STIM2: variants seen among roughly 807,000 people sequenced by gnomAD.
STIM2 encodes the protein stromal interaction molecule 2.
Under a neutral mutation model 85.8 loss-of-function variants are expected in STIM2, and 31 were observed. That is an observed-to-expected ratio of 0.36 (90% CI 0.27 to 0.49). STIM2 has a LOEUF of 0.49. Ranked by LOEUF, STIM2 falls within the 20% of genes least tolerant of loss-of-function variation. STIM2 has a pLI of 0.98. For synonymous variants in STIM2, 356 were observed against 331.1 expected (o/e 1.08, Z -0.82); for missense variants, 841 against 927.6 (o/e 0.91, Z 1.21).
chr4:26,968,245 C>A (rs567091737), intron 3 of STIM2, among the ~76,000 whole-genome samples: 4 of 152,150 alleles, frequency 2.6e-5, no homozygotes, highest in Non-Finnish European at 5.9e-5. Context: ...CACACTCACA[C>A]ACACACACTC....
intron 3 of STIM2, among the ~76,000 whole-genome samples, chr4:26,970,475 A>G (rs1420095106): frequency 6.6e-6 from 1 of 150,844 alleles, no homozygotes; most frequent in East Asian, 1.9e-4. Context: ...GTTCCCACCT[A>G]TGAGTGAGAA....
At chr4:26,909,832 C>T (rs1724265977) in intron 1 of STIM2, among the ~76,000 whole-genome samples, 1 of 152,198 alleles carries the variant, frequency 6.6e-6, no homozygotes, top group Non-Finnish European at 1.5e-5. Context: ...AGCTCTTCCG[C>T]TGCTCTGTGC....
At chr4:26,942,188 C>CT (rs1408982160) in intron 2 of STIM2, among the ~76,000 whole-genome samples, 1 of 152,120 alleles carries the variant, frequency 6.6e-6, no homozygotes, top group Non-Finnish European at 1.5e-5. Flanking sequence ...TGTCCATAAG[C>CT]TTTATCTTCT....
chr4:26,918,330 T>G (rs1165591090), intron 1 of STIM2, among the ~76,000 whole-genome samples: 1 of 151,946 alleles, frequency 6.6e-6, no homozygotes, highest in African/African-American at 2.4e-5. Context: ...TTAGATATTC[T>G]TAGGCCCTTA....
chr4:26,867,441 C>G (rs1019698740), intron 1 of STIM2, among the ~76,000 whole-genome samples: 14 of 152,068 alleles, frequency 9.2e-5, no homozygotes, highest in African/African-American at 3.4e-4. Flanking sequence ...ACAAATAAAA[C>G]CAAACAACTT....
chr4:26,917,766 C>G (rs1286048617), intron 1 of STIM2, among the ~76,000 whole-genome samples: 1 of 152,122 alleles, frequency 6.6e-6, no homozygotes, highest in Non-Finnish European at 1.5e-5. Context: ...AACACCTTCA[C>G]TTTGTTCTTT....
intron 1 of STIM2, among the ~76,000 whole-genome samples, chr4:26,866,386 A>G (rs911973876): frequency 4.6e-5 from 7 of 152,188 alleles, no homozygotes; most frequent in Non-Finnish European, 8.8e-5. Context: ...TACAAACAAC[A>G]TGCGATGGAT....
At chr4:27,018,073 C>T in intron 11 of STIM2, 89 bp downstream of exon 11, 1 of 1,544,764 alleles carries the variant, frequency 6.5e-7, no homozygotes, top group South Asian at 1.2e-5. Flanking sequence ...TGCATGTTTC[C>T]ATTTTCTGTT....
intron 1 of STIM2, among the ~76,000 whole-genome samples, chr4:26,898,500 A>G (rs1220444256): frequency 1.3e-5 from 2 of 152,132 alleles, no homozygotes; most frequent in Admixed American, 6.5e-5. Flanking sequence ...TTAGTCTTTC[A>G]TCTAATCATC....
intron 11 of STIM2, chr4:27,021,081 T>G: frequency 2.0e-6 from 3 of 1,533,518 alleles, no homozygotes; most frequent in Non-Finnish European, 2.6e-6. Context: ...GAGTAAGATG[T>G]GATCCCTGTT....
intron 1 of STIM2, among the ~76,000 whole-genome samples, chr4:26,893,858 A>AT (rs1202074792): frequency 2.0e-5 from 3 of 151,674 alleles, no homozygotes; most frequent in Non-Finnish European, 4.4e-5. Flanking sequence ...TCTTCTGTTC[A>AT]TTTTTTTATT....
At chr4:26,960,776 T>G (rs1284227134) in intron 3 of STIM2, among the ~76,000 whole-genome samples, 2 of 152,120 alleles carry the variant, frequency 1.3e-5, no homozygotes, top group Non-Finnish European at 2.9e-5. Context: ...ATAAAAATAC[T>G]AGTACAGGCC....
chr4:26,866,978 A>T lies in STIM2; in HGVS notation c.151+5609A>T, dbSNP rs140237192. Among the ~76,000 whole-genome samples the T allele has an allele frequency of 9.8e-4, 149 of 152,222 alleles. 1 individual carries two copies. In the East Asian group the frequency reaches 0.021, roughly 21 times the overall value. On this transcript the variant is annotated intron_variant, in intron 1 of 11. Transcript: ENST00000467087. The stretch of plus-strand genomic sequence containing the variant: ...GTGAGAGGCATTGTGGTTTTTGAAG[A>T]TGGGGGTGACATGTCCTTTGTGTTT...
At chr4:26,913,420 A>G (rs967910949) in intron 1 of STIM2, among the ~76,000 whole-genome samples, 1 of 152,164 alleles carries the variant, frequency 6.6e-6, no homozygotes, top group Non-Finnish European at 1.5e-5. Flanking sequence ...ACTGTCTTAA[A>G]TATTTTAAAG....
At chr4:26,864,606 GAATT>G (rs1265198524) in intron 1 of STIM2, among the ~76,000 whole-genome samples, 4 of 152,006 alleles carry the variant, frequency 2.6e-5, no homozygotes, top group African/African-American at 9.7e-5. Context: ...TTTAAAGAAT[GAATT>G]AAAGTAACAT....
intron 2 of STIM2, among the ~76,000 whole-genome samples, chr4:26,941,075 G>A (rs1725593598): frequency 6.6e-6 from 1 of 152,136 alleles, no homozygotes; most frequent in African/African-American, 2.4e-5. Context: ...TTGTAGCCAT[G>A]ATCACTTACT....
chr4:27,018,467 C>T (rs1483662549), intron 11 of STIM2, among the ~76,000 whole-genome samples: 2 of 152,158 alleles, frequency 1.3e-5, no homozygotes, highest in Non-Finnish European at 2.9e-5. Context: ...CTCCAACTTC[C>T]GTCTCTCTGA....
intron 1 of STIM2, among the ~76,000 whole-genome samples, chr4:26,873,311 C>G (rs1722697181): frequency 1.3e-5 from 2 of 151,960 alleles, no homozygotes; most frequent in Admixed American, 1.3e-4. Context: ...GAAAAACTCA[C>G]TTGAACCCTG....
intron 2 of STIM2, among the ~76,000 whole-genome samples, chr4:26,956,890 C>A (rs1726264907): frequency 6.6e-6 from 1 of 151,978 alleles, no homozygotes; most frequent in Non-Finnish European, 1.5e-5. Context: ...AATTACTTAG[C>A]CTCTTTGGGC....
Sources: gnomAD v4.1 joint callset for allele counts (sites outside exome capture counted in the v4.1 genomes callset) on GRCh38, gnomAD v4.1.1 for gene constraint, MANE v1.5 for transcripts, NCBI Gene and HGNC (gene_info 2026-07-23, HGNC 2026-07-21) for gene names.